Variants in SYT16 observed in about 807,000 individuals in gnomAD.
SYT16 encodes the protein synaptotagmin-16.
SYT16 carries 42 observed loss-of-function variants against 61.4 expected under a neutral mutation model. The ratio of observed to expected loss-of-function variants is 0.68; its 90% CI spans 0.53 to 0.89. The LOEUF is 0.89. SYT16 is among the 40% of genes least tolerant of loss of function. SYT16 has a pLI of 0.00. For missense variants in SYT16, 804 were observed against 807.3 expected (o/e 1.00, Z 0.05); for synonymous variants, 314 against 302.3 (o/e 1.04, Z -0.40).
chr14:62,078,102 G>T (rs757429229), intron 5 of SYT16, among the ~76,000 whole-genome samples: 1 of 134,756 alleles, frequency 7.4e-6, no homozygotes, highest in Non-Finnish European at 1.6e-5. Flanking sequence ...CATCTTGTGC[G>T]CTTGCTCTCT....
Position 61,976,664 on chromosome 14 carries a change from C to T in SYT16, c.-145+6353C>T, listed in dbSNP as rs182336984. On this transcript the variant is annotated intron_variant, in intron 2 of 7. Coordinates refer to ENST00000683842, the MANE Select transcript of SYT16 (RefSeq NM_001367656.1). Reference sequence around the variant, plus strand: ...GACTGGGATGCAGAGCACCAACTCCCGAGACTGTACAAAACAGCAAGGCCC... The same window carrying T: ...GACTGGGATGCAGAGCACCAACTCCTGAGACTGTACAAAACAGCAAGGCCC... Among the ~76,000 whole-genome samples the T allele has an allele frequency of 8.3e-4, 127 of 152,190 alleles. 1 individual carries two copies. Among genetic ancestry groups the T allele is most frequent in the Non-Finnish European group, 1.1e-3 (73 of 68,008 alleles).
intron 1 of SYT16, among the ~76,000 whole-genome samples, chr14:61,963,277 T>A (rs2051184658): frequency 6.6e-6 from 1 of 152,170 alleles, no homozygotes; most frequent in Non-Finnish European, 1.5e-5. Context: ...AAAGCTGAGA[T>A]AAGCCAAAAG....
Position 61,974,760 on chromosome 14 carries a change from C to T in SYT16, c.-145+4449C>T, listed in dbSNP as rs141203196. 7.3e-3 allele frequency among the ~76,000 whole-genome samples: 1,111 copies of T among 152,282 alleles called. 8 individuals carry two copies. Among genetic ancestry groups the T allele is most frequent in the Middle Eastern group, 0.031 (9 of 294 alleles). On this transcript the variant is annotated intron_variant, in intron 2 of 7. Transcript: ENST00000683842. ...CTGAGTTGGGAAGATGGAGGATTCT[C>T]CAGAGAAAGATAAGAGCACTGAGTA...
chr14:62,091,532 T>C (rs1320444471), intron 7 of SYT16, among the ~76,000 whole-genome samples: 2 of 152,128 alleles, frequency 1.3e-5, no homozygotes, highest in South Asian at 4.1e-4. Context: ...AGGCAGAAAT[T>C]ACATAAATAT....
At chr14:61,880,131 T>G (rs745944213) in intron 1 of SYT16, among the ~76,000 whole-genome samples, 4 of 152,248 alleles carry the variant, frequency 2.6e-5, no homozygotes, top group Non-Finnish European at 5.9e-5. Flanking sequence ...CCTCCAGTGC[T>G]GCCACAGATA....
chr14:61,959,255 A>G (rs753436262), intron 1 of SYT16, among the ~76,000 whole-genome samples: 66 of 152,126 alleles, frequency 4.3e-4, no homozygotes, highest in Non-Finnish European at 7.8e-4. Flanking sequence ...CTTATGTTTA[A>G]TGGAATTATT....
At chr14:61,958,027 A>G (rs2050953327) in intron 1 of SYT16, among the ~76,000 whole-genome samples, 1 of 151,760 alleles carries the variant, frequency 6.6e-6, no homozygotes, top group Admixed American at 6.6e-5. Flanking sequence ...GGTAGGTCGT[A>G]TATTGTTAGG....
intron 1 of SYT16, among the ~76,000 whole-genome samples, chr14:61,872,506 GA>G (rs1200127557): frequency 2.0e-5 from 3 of 152,096 alleles, no homozygotes; most frequent in Non-Finnish European, 4.4e-5. Flanking sequence ...GTCTTGATTT[GA>G]AACATGTTTG....
intron 3 of SYT16, among the ~76,000 whole-genome samples, chr14:62,047,637 G>C (rs539174638): frequency 6.8e-6 from 1 of 148,074 alleles, no homozygotes; most frequent in East Asian, 1.9e-4. Flanking sequence ...TTATTATTTT[G>C]AGATATGTCC....
At chr14:62,010,102 G>T (rs2053384575) in intron 3 of SYT16, among the ~76,000 whole-genome samples, 1 of 152,126 alleles carries the variant, frequency 6.6e-6, no homozygotes, top group Non-Finnish European at 1.5e-5. Context: ...TGAAAGTATT[G>T]TCAAAGCATT....
intron 1 of SYT16, among the ~76,000 whole-genome samples, chr14:61,877,631 G>T (rs1279739920): frequency 6.6e-6 from 1 of 152,138 alleles, no homozygotes; most frequent in East Asian, 1.9e-4. Context: ...TCCAGGCTGG[G>T]CATAGAAACG....
chr14:61,927,972 G>A (rs925123224), intron 1 of SYT16, among the ~76,000 whole-genome samples: 14 of 152,224 alleles, frequency 9.2e-5, no homozygotes, highest in African/African-American at 3.4e-4. Flanking sequence ...AGAGAGCTGG[G>A]TAAGTTGGTT....
At chr14:61,895,867 G>C (rs1224664682) in intron 1 of SYT16, among the ~76,000 whole-genome samples, 1 of 152,128 alleles carries the variant, frequency 6.6e-6, no homozygotes, top group African/African-American at 2.4e-5. Context: ...GTAAATATTA[G>C]TTATTTAGGA....
At chr14:62,011,320 G>A (rs1019744188) in intron 3 of SYT16, among the ~76,000 whole-genome samples, 5 of 152,022 alleles carry the variant, frequency 3.3e-5, no homozygotes, top group Non-Finnish European at 5.9e-5. Context: ...CAAGCTCCAT[G>A]TGTGGTCAGA....
chr14:62,032,993 A>G (rs1348156198), intron 3 of SYT16, among the ~76,000 whole-genome samples: 1 of 145,992 alleles, frequency 6.8e-6, no homozygotes, highest in East Asian at 1.9e-4. Context: ...ATAAATTACA[A>G]TTTAACAAAC....
intron 3 of SYT16, among the ~76,000 whole-genome samples, chr14:62,027,707 G>A (rs1170252414): frequency 6.6e-6 from 1 of 152,092 alleles, no homozygotes; most frequent in Non-Finnish European, 1.5e-5. Context: ...GTTATGTTGG[G>A]AGTTTCACTG....
intron 3 of SYT16, among the ~76,000 whole-genome samples, chr14:61,998,103 T>C (rs1315346240): frequency 6.6e-6 from 1 of 151,978 alleles, no homozygotes; most frequent in Non-Finnish European, 1.5e-5. Context: ...GGTGAGAGAG[T>C]TTGAGAACCT....
At chr14:62,020,328 C>G (rs984315480) in intron 3 of SYT16, among the ~76,000 whole-genome samples, 4 of 152,122 alleles carry the variant, frequency 2.6e-5, no homozygotes, top group Non-Finnish European at 5.9e-5. Flanking sequence ...GTGTATATAT[C>G]TTGTATAATA....
intron 2 of SYT16, among the ~76,000 whole-genome samples, chr14:61,983,728 A>C (rs1324833682): frequency 1.3e-5 from 2 of 152,044 alleles, no homozygotes; most frequent in Non-Finnish European, 2.9e-5. Flanking sequence ...GGGTCTCACT[A>C]TGTTGCCTAG....
Sources: allele counts gnomAD v4.1 joint callset (sites outside exome capture counted in the v4.1 genomes callset), GRCh38; gene constraint gnomAD v4.1.1; transcripts MANE v1.5; gene names NCBI Gene and HGNC (gene_info 2026-07-23, HGNC 2026-07-21).